The following MAP3K6 variants were observed in gnomAD, a reference collection of about 807,000 sequenced individuals.
MAP3K6 encodes mitogen-activated protein kinase kinase kinase 6, also known as apoptosis signal-regulating kinase 2.
In MAP3K6, 105 loss-of-function variants were observed where a neutral mutation model predicts 147.1. The ratio of observed to expected loss-of-function variants is 0.71; its 90% confidence interval spans 0.61 to 0.84. The LOEUF (loss-of-function observed/expected upper bound fraction) is 0.84, where lower values mean the gene tolerates loss of function less well. MAP3K6 is among the 40% of genes least tolerant of loss of function. The pLI is 0.00. For synonymous variants in MAP3K6, 695 were observed against 732.4 expected (o/e 0.95, Z 0.82); for missense variants, 1,569 against 1,715.0 (o/e 0.91, Z 1.50).
chr1:27,359,834 G>C lies in MAP3K6; in HGVS notation c.2319+24C>G, dbSNP rs1443853552. 1 of 1,613,842 alleles carries C rather than the reference G, an allele frequency of 6.2e-7. No individual in the cohort carries two copies. The highest frequency in any genetic ancestry group is 1.1e-5 in the South Asian group (1 of 91,064). On this transcript the variant is annotated intron_variant, in intron 17 of 28. Transcript: ENST00000357582. The surrounding 1 kb of genome is among the most constrained non-coding windows in gnomAD (Gnocchi z 4.4). ...CTTCCCCGCCACCCTCAGCAGATGAGGGCGGGCCAGCCCCAGGGCTTACTT... is the reference window on the plus strand; with the variant it reads ...CTTCCCCGCCACCCTCAGCAGATGACGGCGGGCCAGCCCCAGGGCTTACTT...
At chr1:27,363,327 G>A (rs1055011296) in intron 6 of MAP3K6, 115 bp downstream of exon 6, 44 of 796,024 alleles carry the variant, frequency 5.5e-5, no homozygotes, top group Middle Eastern at 2.6e-4. Context: ...CAGTGACCCC[G>A]GTCAGCAAAT....
chr1:27,358,456 G>A lies in MAP3K6; in HGVS notation c.2739C>T (p.Arg913=), dbSNP rs1420386424. 2 of 1,594,334 alleles carry A rather than the reference G, an allele frequency of 1.3e-6. No homozygotes were observed. Among genetic ancestry groups the A allele is most frequent in the Non-Finnish European group, 8.5e-7 (1 of 1,174,478 alleles). Residue 913 remains arginine (R), a synonymous_variant, in exon 20 of 29, where the codon CGC becomes CGT. Coordinates refer to ENST00000357582, the MANE Select transcript of MAP3K6 (RefSeq NM_004672.5). The surrounding 1 kb of genome is among the most constrained non-coding windows in gnomAD (Gnocchi z 6.2). ...GAGCATGTCGTGGGGAGCTGGGGCT[G>A]CGGCTCCTTTTCCCAGGCTGCAGGA... ...DPFLQPGKRS[R]SPSSPRHAPR... is the part of the protein sequence containing the mutation.
rs764195370 is a variant in MAP3K6 at position 27,360,801 on chromosome 1, A to G, written c.1958T>C (p.Val653Ala). 1 of 1,611,760 alleles carries G rather than the reference A, an allele frequency of 6.2e-7. No homozygotes were observed. Among genetic ancestry groups the G allele is most frequent in the Non-Finnish European group, 8.5e-7 (1 of 1,179,706 alleles). ...YEYTETGERL[V>A]LGKGTYGVVY... is the part of the protein sequence containing the mutation. ...CACCCCATACGTGCCCTTGCCCAGC[A>G]CCAGCCGCTCGCCCGTCTCCGTGTA... The change falls in exon 15 of 29, where the codon GTG becomes GCG. Residue 653 changes from valine to alanine, a missense_variant. Coordinates refer to ENST00000357582, the MANE Select transcript of MAP3K6 (RefSeq NM_004672.5). The surrounding 1 kb of genome is among the most constrained non-coding windows in gnomAD (Gnocchi z 4.5).
chr1:27,359,147 G>T lies in MAP3K6; in HGVS notation c.2425+270C>A, dbSNP rs576486849. On this transcript the variant is annotated intron_variant, in intron 18 of 28. Coordinates refer to ENST00000357582, the MANE Select transcript of MAP3K6 (RefSeq NM_004672.5). The surrounding 1 kb of genome is among the most constrained non-coding windows in gnomAD (Gnocchi z 4.4). Reference sequence around the variant, plus strand: ...TCCAGCACACATCCTGGATTGCCTCGTCCCCCTGAACTCCATCACCTGCTT... The same window carrying T: ...TCCAGCACACATCCTGGATTGCCTCTTCCCCCTGAACTCCATCACCTGCTT... Among the ~76,000 whole-genome samples, 10 of 152,104 alleles carry T rather than the reference G, an allele frequency of 6.6e-5. No homozygotes were observed. The highest frequency in any genetic ancestry group is 5.9e-4 in the Admixed American group (9 of 15,280).
rs151292064 is a variant in MAP3K6 at position 27,357,515 on chromosome 1, T to G, written c.3143A>C (p.His1048Pro). Reference sequence around the variant, plus strand: ...GGCGAGCTGCCGGCGGTTGGGAGTGTGGATGTGTGCCCCGAGGCAGCGCAG... The same window carrying G: ...GGCGAGCTGCCGGCGGTTGGGAGTGGGGATGTGTGCCCCGAGGCAGCGCAG... ...ELLRCLGAHI[H>P]TPNRRQLAQE... is the part of the protein sequence containing the mutation. The change falls in exon 23 of 29, where the codon CAC (histidine) becomes CCC (proline). Residue 1048 changes from histidine (H) to proline (P), a missense_variant. By Grantham distance (77) the His-to-Pro change is moderately conservative. Coordinates refer to ENST00000357582, the MANE Select transcript of MAP3K6 (RefSeq NM_004672.5). The G allele has an allele frequency of 6.2e-7, 1 of 1,613,326 alleles. No homozygotes were observed. The highest frequency in any genetic ancestry group is 8.5e-7 in the Non-Finnish European group (1 of 1,179,856).
Position 27,359,153 on chromosome 1 carries a change from C to G in MAP3K6, c.2425+264G>C, listed in dbSNP as rs1278763810. 6.6e-6 allele frequency among the ~76,000 whole-genome samples: 1 copy of G among 152,180 alleles called. No homozygotes were observed. Among genetic ancestry groups the G allele is most frequent in the Non-Finnish European group, 1.5e-5 (1 of 68,034 alleles). ...ACACATCCTGGATTGCCTCGTCCCC[C>G]TGAACTCCATCACCTGCTTTTTCCT... On this transcript the variant is annotated intron_variant, in intron 18 of 28. Coordinates refer to ENST00000357582, the MANE Select transcript of MAP3K6 (RefSeq NM_004672.5). This position sits in a 1 kb window ranked among gnomAD's most constrained non-coding sequence, Gnocchi z 4.4.
Position 27,360,750 on chromosome 1 carries a change from G to A in MAP3K6, c.2009C>T (p.Thr670Met). 6 of 1,612,594 alleles carry A rather than the reference G, an allele frequency of 3.7e-6. No individual in the cohort carries two copies. The highest frequency in any genetic ancestry group is 5.1e-6 in the Non-Finnish European group (6 of 1,179,840). The change falls in exon 15 of 29, where the codon ACG (threonine) becomes ATG (methionine). Residue 670 changes from threonine (T) to methionine (M), a missense_variant. Coordinates refer to ENST00000357582, the MANE Select transcript of MAP3K6 (RefSeq NM_004672.5). The surrounding 1 kb of genome is among the most constrained non-coding windows in gnomAD (Gnocchi z 4.5). Reference sequence around the variant, plus strand: ...CTCCTTGATGGCGATGCGCACCCTCGTGTGGCGATCGCGGCCCGCGTACAC... The same window carrying A: ...CTCCTTGATGGCGATGCGCACCCTCATGTGGCGATCGCGGCCCGCGTACAC... Reference protein sequence around the residue: ...GVVYAGRDRHTRVRIAIKEIP... With the variant: ...GVVYAGRDRHMRVRIAIKEIP...
Position 27,360,511 on chromosome 1 carries a change from C to T in MAP3K6, c.2055-143G>A, listed in dbSNP as rs899544334. 6.7e-6 allele frequency: 9 copies of T among 1,339,042 alleles called. No homozygotes were observed. The highest frequency in any genetic ancestry group is 9.0e-6 in the Non-Finnish European group (9 of 999,752). 82.9% of individuals were successfully genotyped at this position (1,339,042 alleles called of 1,614,324 possible). A position where few individuals can be genotyped will look rare whatever the true frequency, so the allele number is the denominator to read the frequency against. The stretch of plus-strand genomic sequence containing the variant: ...TTCCCCACCCTTACTACCCTGCCCA[C>T]AGGACCCTCCAGACCTCAATCCCGC... On this transcript the variant is annotated intron_variant, in intron 15 of 28. Transcript: ENST00000357582. This position sits in a 1 kb window ranked among gnomAD's most constrained non-coding sequence, Gnocchi z 4.5.
Position 27,366,568 on chromosome 1 carries a change from C to A in MAP3K6, c.30G>T (p.Ala10=). Residue 10 remains alanine, a synonymous_variant, in exon 1 of 29, where the codon GCG becomes GCT. Coordinates refer to ENST00000357582, the MANE Select transcript of MAP3K6 (RefSeq NM_004672.5). This position sits in a 1 kb window ranked among gnomAD's most constrained non-coding sequence, Gnocchi z 5.5. Reference sequence around the variant, plus strand: ...CCTGCCAGCAGCTGCCGGCGCGCTCCGCCCCGGACCGGGGACACGGCCCCG... The same window carrying A: ...CCTGCCAGCAGCTGCCGGCGCGCTCAGCCCCGGACCGGGGACACGGCCCCG... MAGPCPRSG[A]ERAGSCWQDP... 1 of 1,084,512 alleles carries A rather than the reference C, an allele frequency of 9.2e-7. No homozygotes were observed. 67.2% of individuals were successfully genotyped at this position (1,084,512 alleles called of 1,614,324 possible).
At position 27,366,296 on chromosome 1, in the gene MAP3K6, A is replaced by AAGG; in HGVS notation, c.301_302insCCT (p.Glu100_Leu101insPro). ...GGCATCCAGAGCCGCGGTGTCGCCTAGCTCCAGCGTCCCGAAGGGCAGGCT... is the reference window on the plus strand; with the variant it reads ...GGCATCCAGAGCCGCGGTGTCGCCTAAGGGCTCCAGCGTCCCGAAGGGCAGGCT... On this transcript the variant is annotated inframe_insertion, in exon 1 of 29. Transcript: ENST00000357582. The surrounding 1 kb of genome is among the most constrained non-coding windows in gnomAD (Gnocchi z 5.5). The AAGG allele has an allele frequency of 7.5e-7, 1 of 1,332,512 alleles. No individual in the cohort carries two copies. The highest frequency in any genetic ancestry group is 1.5e-5 in the African/African-American group (1 of 65,318). The allele number at this position is 1,332,512 out of a possible 1,614,324, so 82.5% of individuals were successfully genotyped here.
At position 27,357,034 on chromosome 1, in the gene MAP3K6, C is replaced by T; in HGVS notation, c.3339G>A (p.Arg1113=). ...VLDSLLSRAV[R]AALGVLGPEV... ...CCGGTCCTAGCACACCCAGGGCTGC[C>T]CGCACAGCACGGCTGAGCAGTGAGT... The change falls in exon 24 of 29, where the codon CGG becomes CGA. Residue 1113 remains arginine (R), a synonymous_variant. Transcript: ENST00000357582. 2 of 1,614,002 alleles carry T rather than the reference C, an allele frequency of 1.2e-6. No individual in the cohort carries two copies. Among genetic ancestry groups the T allele is most frequent in the Non-Finnish European group, 1.7e-6 (2 of 1,180,004 alleles).
Position 27,356,742 on chromosome 1 carries a change from C to A in MAP3K6, c.3372G>T (p.Glu1124Asp). 1 of 1,562,142 alleles carries A rather than the reference C, an allele frequency of 6.4e-7. No homozygotes were observed. Among genetic ancestry groups the A allele is most frequent in the Non-Finnish European group, 8.7e-7 (1 of 1,153,266 alleles). The change falls in exon 25 of 29, where the codon GAG becomes GAT. Residue 1124 changes from glutamate to aspartate, a missense_variant. Glu to Asp is a conservative substitution (Grantham distance 45). Coordinates refer to ENST00000357582, the MANE Select transcript of MAP3K6 (RefSeq NM_004672.5). ...CTGACCTCGGTGAGACCGCCTCCTT[C>A]TCCACCTCTGCAGCCCAGTGCGGTG... is the stretch of plus-strand genomic sequence containing the variant. ...AALGVLGPEV[E>D]KEAVSPRSEE...
At position 27,360,097 on chromosome 1, in the gene MAP3K6, A is replaced by G; in HGVS notation, c.2183-103T>C. 6.3e-7 allele frequency: 1 copy of G among 1,578,040 alleles called. No individual in the cohort carries two copies. The highest frequency in any genetic ancestry group is 1.3e-5 in the African/African-American group (1 of 74,276). Reference sequence around the variant, plus strand: ...ACCCATGTTGTAGCCCAACTCCATCACCCAGCGCCACTCCTCAGCTAATTC... The same window carrying G: ...ACCCATGTTGTAGCCCAACTCCATCGCCCAGCGCCACTCCTCAGCTAATTC... On this transcript the variant is annotated intron_variant, in intron 16 of 28. Transcript: ENST00000357582. This position sits in a 1 kb window ranked among gnomAD's most constrained non-coding sequence, Gnocchi z 4.5.
chr1:27,365,665 C>A (rs563835147), intron 1 of MAP3K6, among the ~76,000 whole-genome samples: 176 of 145,584 alleles, frequency 1.2e-3, no homozygotes, highest in African/African-American at 3.7e-3. Flanking sequence ...CCCGCCCATT[C>A]TTTCTGGGCC....
rs778464397 is a variant in MAP3K6 at position 27,364,920 on chromosome 1, C to T, written c.341-8G>A. The T allele has an allele frequency of 1.3e-6, 2 of 1,577,016 alleles. No individual in the cohort carries two copies. The highest frequency in any genetic ancestry group is 8.6e-7 in the Non-Finnish European group (1 of 1,157,236). ...CCTCCAGCACCACCACATCTGCAGG[C>T]ACAGAGGGGGTGGCGCTGATCCCTG... On this transcript the variant is annotated splice_region_variant and splice_polypyrimidine_tract_variant and intron_variant, in intron 1 of 28. Transcript: ENST00000357582. This position sits in a 1 kb window ranked among gnomAD's most constrained non-coding sequence, Gnocchi z 4.4.
At chr1:27,355,823 C>T in intron 27 of MAP3K6, 78 bp from the exon 28 acceptor site, 2 of 1,407,770 alleles carry the variant, frequency 1.4e-6, no homozygotes, top group Non-Finnish European at 2.0e-6. Context: ...GGTACTAGCT[C>T]TGCTCTGTTG....
Position 27,366,234 on chromosome 1 carries a change from CG to C in MAP3K6, c.340+23del. On this transcript the variant is annotated intron_variant, in intron 1 of 28. Coordinates refer to ENST00000357582, the MANE Select transcript of MAP3K6 (RefSeq NM_004672.5). The surrounding 1 kb of genome is among the most constrained non-coding windows in gnomAD (Gnocchi z 5.5). ...CAGGACCCTGAGTCCCGCCCGGATCCGGCCCCGCCCCCAGCGCTCTCACCCG... is the reference window on the plus strand; with the variant it reads ...CAGGACCCTGAGTCCCGCCCGGATCCGCCCCGCCCCCAGCGCTCTCACCCG... 7.7e-7 allele frequency: 1 copy of C among 1,293,102 alleles called. No homozygotes were observed. The highest frequency in any genetic ancestry group is 9.8e-7 in the Non-Finnish European group (1 of 1,022,260). 80.1% of individuals were successfully genotyped at this position (1,293,102 alleles called of 1,614,324 possible). A position where few individuals can be genotyped will look rare whatever the true frequency, so the allele number is the denominator to read the frequency against.
Position 27,359,973 on chromosome 1 carries a change from C to G in MAP3K6, c.2204G>C (p.Arg735Pro). 1.2e-6 allele frequency: 2 copies of G among 1,614,052 alleles called. No homozygotes were observed. Among genetic ancestry groups the G allele is most frequent in the Non-Finnish European group, 1.7e-6 (2 of 1,179,986 alleles). Residue 735 changes from arginine to proline, a missense_variant, in exon 17 of 29, where the codon CGG becomes CCG. Physicochemically the swap from Arg to Pro is moderately radical, Grantham distance 103. Transcript: ENST00000357582. This position sits in a 1 kb window ranked among gnomAD's most constrained non-coding sequence, Gnocchi z 4.4. ...GTCCTTCAGGGGTCCCCACACCGAC[C>G]GCAGCAAGGAGGACAGGCTGCCTGG... Reference protein sequence around the residue: ...VPGGSLSSLLRSVWGPLKDNE... With the variant: ...VPGGSLSSLLPSVWGPLKDNE...
rs2015900876 is a variant in MAP3K6, at chr1:27,364,365, G to A, written c.534C>T (p.Pro178=). The change falls in exon 4 of 29, where the codon CCC becomes CCT. Residue 178 remains proline (P), a synonymous_variant. Coordinates refer to ENST00000357582, the MANE Select transcript of MAP3K6 (RefSeq NM_004672.5). This position sits in a 1 kb window ranked among gnomAD's most constrained non-coding sequence, Gnocchi z 4.4. ...CCCGACCAGTGGCCGTCACCACATA[G>A]GGGATCAGTGTGTAGCTGCCAACGC... is the stretch of plus-strand genomic sequence containing the variant. ...SDCVGSYTLI[P]YVVTATGRVL... The A allele has an allele frequency of 6.2e-7, 1 of 1,614,122 alleles. No homozygotes were observed. Among genetic ancestry groups the A allele is most frequent in the Non-Finnish European group, 8.5e-7 (1 of 1,180,028 alleles).
Sources: allele counts gnomAD v4.1 joint callset (sites outside exome capture counted in the v4.1 genomes callset), GRCh38; gene constraint gnomAD v4.1.1; non-coding constraint Gnocchi (gnomAD v3.1); transcripts MANE v1.5; gene names NCBI Gene and HGNC (gene_info 2026-07-23, HGNC 2026-07-21).